The following WDR3 variants were observed in gnomAD, a reference collection of about 807,000 sequenced individuals.
The protein encoded by WDR3 is WD repeat domain 3, also known as WD repeat-containing protein 3.
Under a neutral mutation model 123.7 loss-of-function variants are expected in WDR3, and 81 were observed. The observed-to-expected ratio is 0.65, with a 90% CI of 0.55 to 0.79. The LOEUF is 0.79. Among genes scored for constraint, WDR3 ranks in the 30% least tolerant of loss-of-function variants. The pLI is 0.00. For missense variants in WDR3, 1,027 were observed against 1,123.2 expected (o/e 0.91, Z 1.22); for synonymous variants, 390 against 388.8 (o/e 1.00, Z -0.04).
At chr1:117,947,051 G>A (rs538262338) in intron 12 of WDR3, among the ~76,000 whole-genome samples, 14 of 151,652 alleles carry the variant, frequency 9.2e-5, no homozygotes, top group Middle Eastern at 3.4e-3. Flanking sequence ...AGCAGCTTTC[G>A]TACCAGATGG....
Position 117,952,421 on chromosome 1 carries a change from CT to C in WDR3, c.2016+15del. The C allele has an allele frequency of 6.2e-7, 1 of 1,607,972 alleles. No individual in the cohort carries two copies. Among genetic ancestry groups the C allele is most frequent in the Non-Finnish European group, 8.5e-7 (1 of 1,177,310 alleles). ...ACAGACTCTGGAGGTAACCACATGC[CT>C]TCTGTGCTTGCTTGGTACTTAAGAA... On this transcript the variant is annotated intron_variant, in intron 18 of 26. Coordinates refer to ENST00000349139, the MANE Select transcript of WDR3 (RefSeq NM_006784.3).
intron 16 of WDR3, 55 bp from the exon 17 acceptor site, chr1:117,951,921 T>C: frequency 6.0e-6 from 9 of 1,498,098 alleles, no homozygotes; most frequent in Non-Finnish European, 8.2e-6. Context: ...GTTAGCTTTT[T>C]ATTCATATAC....
At position 117,960,943 on chromosome 1, in the gene WDR3, C is replaced by G. The variant is rs1338576631; in HGVS notation, c.*1496C>G. ...TTTTCCTAATTTTTTTCATCTGAAACTTTTCTCATTGTTTCAGATCTCCAA... is the reference window on the plus strand; with the variant it reads ...TTTTCCTAATTTTTTTCATCTGAAAGTTTTCTCATTGTTTCAGATCTCCAA... On this transcript the variant is annotated 3_prime_UTR_variant, in exon 27 of 27. Coordinates refer to ENST00000349139, the MANE Select transcript of WDR3 (RefSeq NM_006784.3). 6.6e-6 allele frequency: 1 copy of G among 152,112 alleles called. No homozygotes were observed. Among genetic ancestry groups the G allele is most frequent in the African/African-American group, 2.4e-5 (1 of 41,416 alleles). 9.4% of individuals were successfully genotyped at this position (152,112 alleles called of 1,614,324 possible).
chr1:117,943,522 A>C lies in WDR3; in HGVS notation c.1224A>C (p.Arg408Ser), dbSNP rs1358454771. ...LPTPQPVRTS[R>S]ITIGGHRSDV... ...CTCCTCAGCCTGTCAGGACAAGCAG[A>C]ATCACTATTGGGGGTCATCGCAGTG... Residue 408 changes from arginine to serine, a missense_variant, in exon 11 of 27, where the codon AGA becomes AGC. Physicochemically the swap from Arg to Ser is moderately radical, Grantham distance 110. Coordinates refer to ENST00000349139, the MANE Select transcript of WDR3 (RefSeq NM_006784.3). The C allele has an allele frequency of 1.9e-6, 3 of 1,614,160 alleles. No homozygotes were observed.
At position 117,941,150 on chromosome 1, in the gene WDR3, T is replaced by C; in HGVS notation, c.816T>C (p.Gly272=). 13 of 1,614,168 alleles carry C rather than the reference T, an allele frequency of 8.1e-6. No homozygotes were observed. The highest frequency in any genetic ancestry group is 1.1e-5 in the Non-Finnish European group (13 of 1,180,026). ...EDRILSCRKA[G]SIMREGRDRV... ...GAATCCTTTCATGCAGAAAAGCTGG[T>C]TCCATAATGCGGGAAGGAAGAGACA... The change falls in exon 8 of 27, where the codon GGT becomes GGC. Residue 272 remains glycine (G), a synonymous_variant. Coordinates refer to ENST00000349139, the MANE Select transcript of WDR3 (RefSeq NM_006784.3).
intron 12 of WDR3, among the ~76,000 whole-genome samples, chr1:117,947,811 A>G (rs1651462512): frequency 6.6e-6 from 1 of 152,244 alleles, no homozygotes; most frequent in Admixed American, 6.5e-5. Context: ...TGTGTGTTAC[A>G]TGCTGACACC....
intron 3 of WDR3, among the ~76,000 whole-genome samples, chr1:117,936,318 GTTCAC>G (rs1208439684): frequency 2.0e-5 from 3 of 151,500 alleles, no homozygotes; most frequent in Non-Finnish European, 1.5e-5. Flanking sequence ...ATATAAGAAT[GTTCAC>G]TTCTGCATAT....
At chr1:117,952,699 G>C in intron 19 of WDR3, 37 bp downstream of exon 19, 1 of 1,604,332 alleles carries the variant, frequency 6.2e-7, no homozygotes, top group South Asian at 1.1e-5. Context: ...TATGCCAGTA[G>C]GTATCTGACA....
intron 4 of WDR3, 48 bp downstream of exon 4, chr1:117,936,935 A>G (rs1157709719): frequency 3.3e-6 from 5 of 1,531,530 alleles, no homozygotes; most frequent in Middle Eastern, 1.7e-4. Context: ...GGAAGAGAGA[A>G]TTTGCTTTAT....
Position 117,963,824 on chromosome 1 carries a change from A to C in WDR3, c.*4377A>C, listed in dbSNP as rs1653444872. 3 of 1,613,558 alleles carry C rather than the reference A, an allele frequency of 1.9e-6. No homozygotes were observed. The East Asian group carries it at 6.7e-5, about 36-fold the overall frequency. On this transcript the variant is annotated 3_prime_UTR_variant, in exon 27 of 27. Transcript: ENST00000349139. Reference sequence around the variant, plus strand: ...CTAATGTGGAGAAACTTTACGAGACATGAAGACTCCAAGTGTGGAGGAATA... The same window carrying C: ...CTAATGTGGAGAAACTTTACGAGACCTGAAGACTCCAAGTGTGGAGGAATA...
Position 117,957,087 on chromosome 1 carries a change from C to G in WDR3, c.2473C>G (p.Leu825Val). The stretch of plus-strand genomic sequence containing the variant: ...TTTCAGTGAGCTGGAAGAATCTCTA[C>G]TTGTGCTGCCTTTCTCTTATGTCCC... ...IKSSELEESL[L>V]VLPFSYVPDI... Residue 825 changes from leucine (L) to valine (V), a missense_variant, in exon 25 of 27, where the codon CTT (leucine) becomes GTT (valine). Physicochemically the swap from Leu to Val is conservative, Grantham distance 32. Transcript: ENST00000349139. 2 of 1,597,596 alleles carry G rather than the reference C, an allele frequency of 1.3e-6. No individual in the cohort carries two copies. The highest frequency in any genetic ancestry group is 1.7e-4 in the Middle Eastern group (1 of 6,012).
intron 6 of WDR3, among the ~76,000 whole-genome samples, chr1:117,940,137 A>G (rs547988947): frequency 6.6e-6 from 1 of 152,270 alleles, no homozygotes; most frequent in Non-Finnish European, 1.5e-5. Flanking sequence ...CCTAATGCCA[A>G]TTTGAATTTT....
intron 23 of WDR3, 80 bp from the exon 24 acceptor site, chr1:117,955,235 T>C: frequency 7.9e-7 from 1 of 1,258,894 alleles, no homozygotes; most frequent in Non-Finnish European, 1.1e-6. Context: ...GGGTTCCTGT[T>C]TTATAGGAGA....
Position 117,961,848 on chromosome 1 carries a change from T to C in WDR3, c.*2401T>C, listed in dbSNP as rs1653143450. The C allele has an allele frequency of 6.6e-6, 1 of 152,504 alleles. No individual in the cohort carries two copies. The highest frequency in any genetic ancestry group is 2.4e-5 in the African/African-American group (1 of 41,412). 9.4% of individuals were successfully genotyped at this position (152,504 alleles called of 1,614,324 possible). ...GCAGGATAATGCATTCTAGGTGCTT[T>C]CCAAGGAGTCAGTGTTGTTTAGGCA... On this transcript the variant is annotated 3_prime_UTR_variant, in exon 27 of 27. Transcript: ENST00000349139.
Position 117,958,957 on chromosome 1 carries a change from T to C in WDR3, c.2630T>C (p.Ile877Thr), listed in dbSNP as rs1381375841. 5 of 1,613,902 alleles carry C rather than the reference T, an allele frequency of 3.1e-6. No individual in the cohort carries two copies. The African/African-American group carries it at 5.3e-5, about 17-fold the overall frequency. ...AGCAATCAAATGCTTGTGCCAGTGA[T>C]AGAAAAATTAAGGGAAACAACTATT... is the stretch of plus-strand genomic sequence containing the variant. The part of the protein sequence containing the change: ...ITSNQMLVPV[I>T]EKLRETTISK... Residue 877 changes from isoleucine to threonine, a missense_variant, in exon 26 of 27, where the codon ATA becomes ACA. Physicochemically the swap from Ile to Thr is moderately conservative, Grantham distance 89 (BLOSUM62 -1). Coordinates refer to ENST00000349139, the MANE Select transcript of WDR3 (RefSeq NM_006784.3).
chr1:117,954,227 T>C lies in WDR3; in HGVS notation c.2361+128T>C, dbSNP rs924999972. Reference sequence around the variant, plus strand: ...ATGGAATAGAATCTTTCCAACTCACTATATTAGAAGAAATTGAGGAAGTGT... The same window carrying C: ...ATGGAATAGAATCTTTCCAACTCACCATATTAGAAGAAATTGAGGAAGTGT... On this transcript the variant is annotated intron_variant, in intron 22 of 26. Coordinates refer to ENST00000349139, the MANE Select transcript of WDR3 (RefSeq NM_006784.3). 6.4e-6 allele frequency: 5 copies of C among 780,470 alleles called. No individual in the cohort carries two copies. The African/African-American group carries it at 8.8e-5, about 14-fold the overall frequency. The allele number at this position is 780,470 out of a possible 1,614,324, so 48.3% of individuals were successfully genotyped here.
Position 117,964,909 on chromosome 1 carries a change from C to A in WDR3, c.*5462C>A, listed in dbSNP as rs887992473. 22 of 152,084 alleles carry A rather than the reference C, an allele frequency of 1.4e-4. No individual in the cohort carries two copies. Among genetic ancestry groups the A allele is most frequent in the African/African-American group, 5.1e-4 (21 of 41,388 alleles). 9.4% of individuals were successfully genotyped at this position (152,084 alleles called of 1,614,324 possible). On this transcript the variant is annotated 3_prime_UTR_variant, in exon 27 of 27. Transcript: ENST00000349139. ...CCCTTCAGCTCTGTTTTTTATTATT[C>A]TTTTGCCCTGTTTTGGATATTGCAG...
rs780060559 is a variant in WDR3, at chr1:117,961,720, G to C, written c.*2273G>C. The C allele has an allele frequency of 6.6e-6, 1 of 152,170 alleles. No homozygotes were observed. Among genetic ancestry groups the C allele is most frequent in the Non-Finnish European group, 1.5e-5 (1 of 68,028 alleles). The allele number at this position is 152,170 out of a possible 1,614,324, so 9.4% of individuals were successfully genotyped here. ...TCTTGAGCATAACACAATCACTGAA[G>C]TGAGTAAGGGATGCAGTGGTGTTAT... On this transcript the variant is annotated 3_prime_UTR_variant, in exon 27 of 27. Transcript: ENST00000349139.
chr1:117,948,318 A>G (rs1332677720), intron 12 of WDR3, 87 bp from the exon 13 acceptor site: 2 of 1,135,578 alleles, frequency 1.8e-6, no homozygotes, highest in East Asian at 4.9e-5. Context: ...CAGCTTGGTT[A>G]TGAAGTCTTT....
Sources: allele counts gnomAD v4.1 joint callset (sites outside exome capture counted in the v4.1 genomes callset), GRCh38; gene constraint gnomAD v4.1.1; transcripts MANE v1.5; gene names NCBI Gene and HGNC (gene_info 2026-07-23, HGNC 2026-07-21).